Variants in PDE4D observed in about 807,000 individuals in gnomAD.
The protein encoded by PDE4D is phosphodiesterase 4D.
A neutral mutation model predicts 87.4 loss-of-function variants in PDE4D; 24 were observed. The observed-to-expected ratio is 0.27, with a 90% CI of 0.20 to 0.39. The LOEUF (loss-of-function observed/expected upper bound fraction) is 0.39, where lower values mean the gene tolerates loss of function less well. Ranked by LOEUF, PDE4D falls within the 10% of genes least tolerant of loss-of-function variation. The probability of loss-of-function intolerance (pLI) is 1.00; values close to 1 mark genes in which losing one functional copy is unlikely to be tolerated. For missense variants in PDE4D, 714 were observed against 1,041.0 expected (o/e 0.69, Z 4.32); for synonymous variants, 384 against 383.2 (o/e 1.00, Z -0.02).
intron 5 of PDE4D, among the ~76,000 whole-genome samples, chr5:59,122,168 CAAGAAAGAAAGG>C (rs1774650157): frequency 2.9e-5 from 3 of 101,872 alleles, no homozygotes; most frequent in African/African-American, 3.7e-5. Context: ...AAAAAAAAAG[CAAGAAAGAAAGG>C]AAGAAAGAAA....
At chr5:59,287,921 T>A (rs1225460459) in intron 1 of PDE4D, among the ~76,000 whole-genome samples, 1 of 152,102 alleles carries the variant, frequency 6.6e-6, no homozygotes, top group Non-Finnish European at 1.5e-5. Context: ...AATGCAGATA[T>A]TCCTGCAGTG....
chr5:59,736,082 T>C (rs1758028627), intron 1 of PDE4D, among the ~76,000 whole-genome samples: 1 of 151,592 alleles, frequency 6.6e-6, no homozygotes, highest in Admixed American at 6.6e-5. Context: ...AAAATACATG[T>C]ATAACATTGT....
At chr5:59,478,022 C>G (rs1422935271) in intron 1 of PDE4D, among the ~76,000 whole-genome samples, 5 of 151,748 alleles carry the variant, frequency 3.3e-5, no homozygotes, top group Admixed American at 3.3e-4. Context: ...ATGGGAACAA[C>G]AGATACTGCA....
intron 1 of PDE4D, among the ~76,000 whole-genome samples, chr5:59,572,225 T>C (rs999665415): frequency 1.3e-5 from 2 of 152,202 alleles, no homozygotes; most frequent in Admixed American, 6.5e-5. Context: ...ACTGTTGCCA[T>C]TACAGATGGC....
At chr5:59,799,249 A>G (rs1766845747) in intron 1 of PDE4D, among the ~76,000 whole-genome samples, 1 of 152,146 alleles carries the variant, frequency 6.6e-6, no homozygotes, top group African/African-American at 2.4e-5. Flanking sequence ...GTCTGTTTTG[A>G]TCTTGGAGAT....
At chr5:59,945,684 A>T (rs1757660287) in intron 3 of PDE4D, among the ~76,000 whole-genome samples, 1 of 152,206 alleles carries the variant, frequency 6.6e-6, no homozygotes, top group South Asian at 2.1e-4. Context: ...CCTTGATAAG[A>T]CATAAAAATA....
chr5:60,355,548 C>G (rs1759550272), intron 1 of PDE4D, among the ~76,000 whole-genome samples: 1 of 151,982 alleles, frequency 6.6e-6, no homozygotes, highest in Non-Finnish European at 1.5e-5. Flanking sequence ...TACAGCTGAC[C>G]CTTGAACAAG....
At chr5:60,024,913 C>T (rs796412546) in intron 2 of PDE4D, among the ~76,000 whole-genome samples, 8 of 151,634 alleles carry the variant, frequency 5.3e-5, no homozygotes, top group African/African-American at 1.9e-4. Flanking sequence ...AAAAAAACTG[C>T]TTGAAGTATC....
chr5:60,290,452 A>G (rs1009173400), intron 1 of PDE4D, among the ~76,000 whole-genome samples: 3 of 152,236 alleles, frequency 2.0e-5, no homozygotes, highest in Admixed American at 6.5e-5. Context: ...GTTTGTTCAA[A>G]TGGAATAACC....
chr5:59,220,923 G>C, intron 1 of PDE4D, among the ~76,000 whole-genome samples: 1 of 152,034 alleles, frequency 6.6e-6, no homozygotes, highest in East Asian at 1.9e-4. Flanking sequence ...ATTGGGGAGA[G>C]TAAAAATTAC....
At chr5:60,455,664 A>G (rs1746414214) in intron 1 of PDE4D, among the ~76,000 whole-genome samples, 1 of 152,186 alleles carries the variant, frequency 6.6e-6, no homozygotes, top group African/African-American at 2.4e-5. Flanking sequence ...AAAGATTTCA[A>G]TGTTCATGAA....
intron 2 of PDE4D, among the ~76,000 whole-genome samples, chr5:60,156,365 C>T (rs1781978586): frequency 6.6e-6 from 1 of 152,112 alleles, no homozygotes; most frequent in South Asian, 2.1e-4. Flanking sequence ...TGACTGGAAT[C>T]CAAGATTGAA....
chr5:59,413,301 C>CA (rs1027517378), intron 1 of PDE4D, among the ~76,000 whole-genome samples: 3 of 151,432 alleles, frequency 2.0e-5, no homozygotes, highest in Non-Finnish European at 2.9e-5. Flanking sequence ...ACTAAAAATA[C>CA]AAAAAAATTA....
chr5:59,966,868 G>T (rs934998980), intron 3 of PDE4D, among the ~76,000 whole-genome samples: 7 of 152,144 alleles, frequency 4.6e-5, no homozygotes, highest in African/African-American at 7.2e-5. Flanking sequence ...CTAACTTACT[G>T]TCCACTGTCA....
At chr5:60,464,093 A>G (rs571987724) in intron 1 of PDE4D, among the ~76,000 whole-genome samples, 98 of 152,146 alleles carry the variant, frequency 6.4e-4, no homozygotes, top group African/African-American at 2.3e-3. Context: ...TAAATTAGTG[A>G]TTCTCAATGG....
chr5:59,856,175 A>G (rs563656446), intron 1 of PDE4D, among the ~76,000 whole-genome samples: 2 of 152,132 alleles, frequency 1.3e-5, no homozygotes, highest in Non-Finnish European at 2.9e-5. Flanking sequence ...GCTCTTGTTA[A>G]TGACTTTGCT....
intron 1 of PDE4D, among the ~76,000 whole-genome samples, chr5:60,408,056 TA>T (rs1033024404): frequency 4.6e-5 from 7 of 152,100 alleles, no homozygotes; most frequent in Non-Finnish European, 1.0e-4. Context: ...CACCAGGCTG[TA>T]AGGACACTAA....
chr5:59,098,978 A>G (rs923118039), intron 5 of PDE4D, among the ~76,000 whole-genome samples: 3 of 152,200 alleles, frequency 2.0e-5, no homozygotes, highest in Non-Finnish European at 4.4e-5. Flanking sequence ...CCCTCTGCTA[A>G]CATGTAGTTG....
chr5:59,491,930 C>T (rs959422284), intron 1 of PDE4D, among the ~76,000 whole-genome samples: 5 of 152,112 alleles, frequency 3.3e-5, no homozygotes, highest in Admixed American at 6.5e-5. Context: ...CTCAAATATG[C>T]AACCCAGATA....
Sources: gnomAD v4.1 joint callset for allele counts (sites outside exome capture counted in the v4.1 genomes callset) on GRCh38, gnomAD v4.1.1 for gene constraint, MANE v1.5 for transcripts, NCBI Gene and HGNC (gene_info 2026-07-23, HGNC 2026-07-21) for gene names.